Variants in JADE2 observed in about 807,000 individuals in gnomAD.
JADE2 encodes the protein jade family PHD finger 2, also known as E3 ubiquitin-protein ligase Jade-2.
JADE2 carries 13 observed loss-of-function variants against 85.7 expected under a neutral mutation model. The ratio of observed to expected loss-of-function variants is 0.15; its 90% CI spans 0.10 to 0.24. The LOEUF (loss-of-function observed/expected upper bound fraction) is 0.24. JADE2 is among the 10% of genes least tolerant of loss of function. The pLI, the probability that JADE2 is intolerant of heterozygous loss-of-function variation, is 1.00. For synonymous variants in JADE2, 440 were observed against 456.1 expected, an observed-to-expected ratio of 0.96 and a Z score of 0.45; for missense variants, 846 against 1,115.9, an observed-to-expected ratio of 0.76 and a Z score of 3.45.
intron 4 of JADE2, among the ~76,000 whole-genome samples, chr5:134,554,674 C>T (rs186338651): frequency 2.4e-4 from 36 of 152,238 alleles, no homozygotes; most frequent in Non-Finnish European, 3.2e-4. Flanking sequence ...CTGGCCTGTC[C>T]GTGATCTTTG....
chr5:134,553,263 G>A (rs953706849), intron 4 of JADE2, among the ~76,000 whole-genome samples: 7 of 151,904 alleles, frequency 4.6e-5, no homozygotes, highest in Non-Finnish European at 1.0e-4. Context: ...GAGCCACCAT[G>A]CCCAGTCCCA....
intron 4 of JADE2, among the ~76,000 whole-genome samples, chr5:134,556,013 C>T (rs895112201): frequency 1.3e-5 from 2 of 152,216 alleles, no homozygotes; most frequent in Non-Finnish European, 2.9e-5. Context: ...CCTGCCTCCC[C>T]GTCTCCTTCA....
intron 10 of JADE2, among the ~76,000 whole-genome samples, chr5:134,576,194 C>T (rs1764357150): frequency 6.6e-6 from 1 of 152,004 alleles, no homozygotes; most frequent in African/African-American, 2.4e-5. Context: ...GCAAGACTCT[C>T]TCTCAAAACA....
chr5:134,531,840 C>T (rs1393463420), intron 1 of JADE2, among the ~76,000 whole-genome samples: 2 of 142,368 alleles, frequency 1.4e-5, no homozygotes. Flanking sequence ...CCACTTTGGT[C>T]TCCCAAAGTG....
chr5:134,573,701 C>T lies in JADE2; in HGVS notation c.1491C>T (p.Cys497=), dbSNP rs1184962582. 1.2e-6 allele frequency: 2 copies of T among 1,614,028 alleles called. No individual in the cohort carries two copies. The highest frequency in any genetic ancestry group is 2.2e-5 in the East Asian group (1 of 44,882). The part of the protein sequence containing the change: ...TRRERTKHAI[C]KLQEQIFHLQ... ...GCGAGAGAACGAAACACGCCATCTG[C>T]AAACTCCAGGAGCAGATATTCCACC... The change falls in exon 10 of 12, where the codon TGC becomes TGT. Residue 497 remains cysteine (C), a synonymous_variant. Coordinates refer to ENST00000681547, the MANE Select transcript of JADE2 (RefSeq NM_001388185.1).
rs148207947 is a variant in JADE2, at chr5:134,579,110, T to C, written c.2298T>C (p.Gly766=). 5.9e-5 allele frequency: 96 copies of C among 1,614,044 alleles called. No homozygotes were observed. In the African/African-American group the frequency reaches 1.2e-3, roughly 20 times the overall value. The part of the protein sequence containing the change: ...RESKVTRRLP[G]ARPDAGMGPP... ...GCAAGGTAACCCGGAGATTGCCGGGTGCCAGGCCTGATGCTGGGATGGGAC... is the reference window on the plus strand; with the variant it reads ...GCAAGGTAACCCGGAGATTGCCGGGCGCCAGGCCTGATGCTGGGATGGGAC... The change falls in exon 12 of 12, where the codon GGT becomes GGC. Residue 766 remains glycine (G), a synonymous_variant. Coordinates refer to ENST00000681547, the MANE Select transcript of JADE2 (RefSeq NM_001388185.1). The surrounding 1 kb of genome is among the most constrained non-coding windows in gnomAD (Gnocchi z 4.6).
chr5:134,566,298 C>G lies in JADE2; in HGVS notation c.1152C>G (p.Gly384=), dbSNP rs375321931. The G allele has an allele frequency of 6.2e-7, 1 of 1,614,146 alleles. No homozygotes were observed. The highest frequency in any genetic ancestry group is 1.7e-5 in the Admixed American group (1 of 60,032). The stretch of plus-strand genomic sequence containing the variant: ...AGCCCACGGAACCCAGCCAGGCTGG[C>G]GAGGACCTGGAAAAGGTGACCCTGC... The part of the protein sequence containing the change: ...TSEPTEPSQA[G]EDLEKVTLRK... Residue 384 remains glycine, a synonymous_variant, in exon 9 of 12, where the codon GGC becomes GGG. Coordinates refer to ENST00000681547, the MANE Select transcript of JADE2 (RefSeq NM_001388185.1). This position sits in a 1 kb window ranked among gnomAD's most constrained non-coding sequence, Gnocchi z 6.7.
intron 3 of JADE2, among the ~76,000 whole-genome samples, chr5:134,543,191 T>C (rs1313293826): frequency 6.6e-6 from 1 of 151,776 alleles, no homozygotes; most frequent in African/African-American, 2.4e-5. Flanking sequence ...CACGCCACCA[T>C]GCCTGGCTGA....
chr5:134,541,796 C>A (rs1215266467), intron 3 of JADE2, among the ~76,000 whole-genome samples: 1 of 152,256 alleles, frequency 6.6e-6, no homozygotes, highest in African/African-American at 2.4e-5. Flanking sequence ...TTGATGACCT[C>A]TCAGGGGCTG....
chr5:134,527,935 G>C (rs1760973356), intron 1 of JADE2, among the ~76,000 whole-genome samples: 1 of 152,182 alleles, frequency 6.6e-6, no homozygotes, highest in South Asian at 2.1e-4. Flanking sequence ...TAGCACCCCT[G>C]GGTCATCTTC....
chr5:134,569,416 T>G (rs1314283911), intron 9 of JADE2, among the ~76,000 whole-genome samples: 1 of 152,246 alleles, frequency 6.6e-6, no homozygotes, highest in Non-Finnish European at 1.5e-5. Flanking sequence ...CCAGATGTGC[T>G]TTCCTAAAAT....
intron 1 of JADE2, among the ~76,000 whole-genome samples, chr5:134,527,735 C>A (rs1459146707): frequency 2.6e-5 from 4 of 151,948 alleles, no homozygotes; most frequent in African/African-American, 9.7e-5. Flanking sequence ...GCTGGAGGCG[C>A]GCGCAACTCC....
At chr5:134,570,770 G>T (rs1763946704) in intron 9 of JADE2, among the ~76,000 whole-genome samples, 1 of 152,074 alleles carries the variant, frequency 6.6e-6, no homozygotes, top group African/African-American at 2.4e-5. Flanking sequence ...GGCCTCAATG[G>T]TCATCCATTG....
intron 1 of JADE2, among the ~76,000 whole-genome samples, chr5:134,534,935 G>A (rs1761490733): frequency 6.6e-6 from 1 of 152,202 alleles, no homozygotes; most frequent in South Asian, 2.1e-4. Flanking sequence ...ACAGTGGTGG[G>A]AAAACACTTT....
chr5:134,533,580 A>G (rs620498), intron 1 of JADE2: 169,077 of 984,558 alleles, frequency 0.17, 15,723 homozygotes, highest in East Asian at 0.53. Context: ...CAGGATTGCA[A>G]AAGAAAATGG....
chr5:134,539,270 A>G lies in JADE2; in HGVS notation c.153+1187A>G, dbSNP rs898364985. On this transcript the variant is annotated intron_variant, in intron 3 of 11. Coordinates refer to ENST00000681547, the MANE Select transcript of JADE2 (RefSeq NM_001388185.1). The stretch of plus-strand genomic sequence containing the variant: ...AGTAGAGACGGGGTTTCACCGTGTT[A>G]GCCAGGATGGTCTCGACCTCCTGAC... Among the ~76,000 whole-genome samples, 28 of 152,094 alleles carry G rather than the reference A, an allele frequency of 1.8e-4. No homozygotes were observed. In the East Asian group the frequency reaches 3.1e-3, roughly 17 times the overall value.
intron 5 of JADE2, 63 bp from the exon 6 acceptor site, chr5:134,560,683 C>T (rs773819957): frequency 4.3e-5 from 62 of 1,430,918 alleles, no homozygotes; most frequent in Non-Finnish European, 5.8e-5. Flanking sequence ...GAGCCAAGTC[C>T]TCTTCAAAGC....
chr5:134,526,211 T>A, intron 1 of JADE2, 200 bp downstream of exon 1: 1 of 985,168 alleles, frequency 1.0e-6, no homozygotes. Flanking sequence ...AGATTGCGCA[T>A]GTTGGTCAGT....
chr5:134,553,236 G>T (rs999968821), intron 4 of JADE2, among the ~76,000 whole-genome samples: 1 of 152,116 alleles, frequency 6.6e-6, no homozygotes, highest in African/African-American at 2.4e-5. Flanking sequence ...CTCCCAAAAT[G>T]CTGGGATTAC....
Sources: allele counts gnomAD v4.1 joint callset (sites outside exome capture counted in the v4.1 genomes callset), GRCh38; gene constraint gnomAD v4.1.1; non-coding constraint Gnocchi (gnomAD v3.1); transcripts MANE v1.5; gene names NCBI Gene and HGNC (gene_info 2026-07-23, HGNC 2026-07-21).